The following PPP2R2C variants were observed in gnomAD, a reference collection of about 807,000 sequenced individuals.
PPP2R2C encodes protein phosphatase 2, regulatory subunit B, gamma.
PPP2R2C carries 10 observed loss-of-function variants against 45.3 expected under a neutral mutation model. The observed-to-expected ratio is 0.22, with a 90% CI of 0.14 to 0.37. The LOEUF is 0.37. Among genes scored for constraint, PPP2R2C ranks in the 10% least tolerant of loss-of-function variants. PPP2R2C has a pLI of 1.00. For synonymous variants in PPP2R2C, 257 were observed against 245.4 expected, an observed-to-expected ratio of 1.05 and a Z score of -0.44; for missense variants, 308 against 619.7, an observed-to-expected ratio of 0.50 and a Z score of 5.34.
chr4:6,551,390 G>A (rs73796254), intron 1 of PPP2R2C, among the ~76,000 whole-genome samples: 2,835 of 152,320 alleles, frequency 0.019, 89 homozygotes, highest in African/African-American at 0.065. Context: ...TAGGAGTCCA[G>A]TGGGAGAAAA....
At chr4:6,512,491 A>ATGG (rs1222316344) in intron 2 of PPP2R2C, among the ~76,000 whole-genome samples, 2 of 16,714 alleles carry the variant, frequency 1.2e-4, no homozygotes, top group South Asian at 3.0e-3. Flanking sequence ...GGTGATGGTG[A>ATGG]TGGTGGTGGT....
At chr4:6,348,679 C>G (rs888016599) in intron 5 of PPP2R2C, 2 of 985,278 alleles carry the variant, frequency 2.0e-6, no homozygotes, top group African/African-American at 3.5e-5. Flanking sequence ...TTGGTCACCC[C>G]TGCTGTGCTG....
intron 1 of PPP2R2C, among the ~76,000 whole-genome samples, chr4:6,409,657 C>T (rs1718021432): frequency 6.6e-6 from 1 of 152,156 alleles, no homozygotes; most frequent in Non-Finnish European, 1.5e-5. Flanking sequence ...CTGAGACTCC[C>T]TGTGACCACA....
chr4:6,539,140 A>G (rs1560610671), intron 1 of PPP2R2C, among the ~76,000 whole-genome samples: 1 of 138,086 alleles, frequency 7.2e-6, no homozygotes, highest in East Asian at 2.1e-4. Context: ...TGTCCTTCCA[A>G]AAAAAAAAAA....
Position 6,378,698 on chromosome 4 carries a change from G to T in PPP2R2C, c.169-126C>A. 1 of 1,030,362 alleles carries T rather than the reference G, an allele frequency of 9.7e-7. No homozygotes were observed. The highest frequency in any genetic ancestry group is 1.4e-6 in the Non-Finnish European group (1 of 702,844). 63.8% of individuals were successfully genotyped at this position (1,030,362 alleles called of 1,614,324 possible). A position where few individuals can be genotyped will look rare whatever the true frequency, so the allele number is the denominator to read the frequency against. On this transcript the variant is annotated intron_variant, in intron 2 of 8. Coordinates refer to ENST00000382599, the MANE Select transcript of PPP2R2C (RefSeq NM_020416.4). This position sits in a 1 kb window ranked among gnomAD's most constrained non-coding sequence, Gnocchi z 5.2. ...GAGCCGTGCCAGGGATCCAATTCGA[G>T]GGTCAAATGAAACTCTCTGCAGCTT... is the stretch of plus-strand genomic sequence containing the variant.
At chr4:6,511,819 A>G (rs62644671) in intron 2 of PPP2R2C, among the ~76,000 whole-genome samples, 60 of 2,854 alleles carry the variant, frequency 0.021, no homozygotes, top group Admixed American at 0.04. Context: ...GGTGGTGGTG[A>G]TGGTGGTGGT....
Position 6,330,740 on chromosome 4 carries a change from G to A in PPP2R2C, c.961-1387C>T, listed in dbSNP as rs1020848970. Reference sequence around the variant, plus strand: ...TCTGAGCCATCTGACTAATATGGTGGCAAGGACTACACAGGAAAACAGAGT... The same window carrying A: ...TCTGAGCCATCTGACTAATATGGTGACAAGGACTACACAGGAAAACAGAGT... On this transcript the variant is annotated intron_variant, in intron 7 of 8. Coordinates refer to ENST00000382599, the MANE Select transcript of PPP2R2C (RefSeq NM_020416.4). This position sits in a 1 kb window ranked among gnomAD's most constrained non-coding sequence, Gnocchi z 7.0. Among the ~76,000 whole-genome samples, 1 of 152,154 alleles carries A rather than the reference G, an allele frequency of 6.6e-6. No homozygotes were observed. Among genetic ancestry groups the A allele is most frequent in the African/African-American group, 2.4e-5 (1 of 41,434 alleles).
chr4:6,347,796 C>CCCCCCCGG, intron 6 of PPP2R2C, 50 bp downstream of exon 6: 3 of 967,134 alleles, frequency 3.1e-6, no homozygotes, highest in Non-Finnish European at 4.5e-6. Flanking sequence ...ACATCCCACC[C>CCCCCCCGG]GCCCGCCTGC....
intron 1 of PPP2R2C, among the ~76,000 whole-genome samples, chr4:6,395,665 C>A (rs1316149360): frequency 6.6e-6 from 1 of 152,332 alleles, no homozygotes; most frequent in South Asian, 2.1e-4. Context: ...AGGGCGCAGA[C>A]CCGCCAGTCA....
At chr4:6,358,587 T>C (rs917941746) in intron 5 of PPP2R2C, among the ~76,000 whole-genome samples, 33 of 150,112 alleles carry the variant, frequency 2.2e-4, no homozygotes, top group Non-Finnish European at 1.5e-5. Context: ...ATTTTTGCAA[T>C]CTACTCATCT....
chr4:6,550,637 ACT>A (rs1193182453), intron 1 of PPP2R2C, among the ~76,000 whole-genome samples: 1 of 151,930 alleles, frequency 6.6e-6, no homozygotes, highest in Admixed American at 6.6e-5. Context: ...TTAGGGGGAC[ACT>A]CTTTTTTATT....
chr4:6,562,043 G>T (rs2108847774), intron 1 of PPP2R2C, among the ~76,000 whole-genome samples: 1 of 152,316 alleles, frequency 6.6e-6, no homozygotes, highest in Non-Finnish European at 1.5e-5. Flanking sequence ...AGGACACCTG[G>T]GACAGAGAAG....
intron 1 of PPP2R2C, among the ~76,000 whole-genome samples, chr4:6,551,868 T>C (rs1192296553): frequency 6.6e-6 from 1 of 152,212 alleles, no homozygotes; most frequent in African/African-American, 2.4e-5. Context: ...AGCTGAGCCC[T>C]TCCTCAGCTC....
At chr4:6,424,449 C>G (rs372606291) in intron 1 of PPP2R2C, among the ~76,000 whole-genome samples, 1 of 152,202 alleles carries the variant, frequency 6.6e-6, no homozygotes, top group Non-Finnish European at 1.5e-5. Flanking sequence ...TTCAAGCCAC[C>G]GGACACTGCT....
intron 1 of PPP2R2C, among the ~76,000 whole-genome samples, chr4:6,429,183 T>C (rs965276548): frequency 2.6e-5 from 4 of 152,218 alleles, no homozygotes; most frequent in Non-Finnish European, 5.9e-5. Flanking sequence ...CCATGGGCTG[T>C]AGCTACCACC....
intron 6 of PPP2R2C, among the ~76,000 whole-genome samples, chr4:6,340,560 A>G (rs1733365855): frequency 6.6e-6 from 1 of 151,778 alleles, no homozygotes; most frequent in East Asian, 1.9e-4. Flanking sequence ...CCAGCAGCAA[A>G]TCCAGCAGGC....
chr4:6,350,396 C>G, intron 5 of PPP2R2C: 1 of 985,394 alleles, frequency 1.0e-6, no homozygotes, highest in Non-Finnish European at 1.2e-6. Context: ...GTGCGACGGC[C>G]CATGGATAAT....
chr4:6,560,411 G>A (rs908488142), intron 1 of PPP2R2C, among the ~76,000 whole-genome samples: 1 of 152,238 alleles, frequency 6.6e-6, no homozygotes, highest in Non-Finnish European at 1.5e-5. Context: ...GTGGGGTAGA[G>A]TGACCAAGGA....
intron 4 of PPP2R2C, among the ~76,000 whole-genome samples, chr4:6,375,302 T>G (rs899667201): frequency 1.3e-5 from 2 of 152,246 alleles, no homozygotes; most frequent in Non-Finnish European, 2.9e-5. Context: ...GGCGGCTCAC[T>G]GGATGCTGGG....
Sources: gnomAD v4.1 joint callset for allele counts (sites outside exome capture counted in the v4.1 genomes callset) on GRCh38, gnomAD v4.1.1 for gene constraint, Gnocchi (gnomAD v3.1) non-coding constraint, MANE v1.5 for transcripts, NCBI Gene and HGNC (gene_info 2026-07-23, HGNC 2026-07-21) for gene names.